Variants in FBLN2 observed in about 807,000 individuals in gnomAD.
The protein encoded by FBLN2 is fibulin-2.
Under a neutral mutation model 123.7 loss-of-function variants are expected in FBLN2, and 81 were observed. The observed-to-expected ratio is 0.65, with a 90% confidence interval of 0.55 to 0.79. The LOEUF (loss-of-function observed/expected upper bound fraction) is 0.79, where lower values mean the gene tolerates loss of function less well. Among genes scored for constraint, FBLN2 ranks in the 30% least tolerant of loss-of-function variants. The pLI, the probability that FBLN2 is intolerant of heterozygous loss-of-function variation, is 0.00. For synonymous variants in FBLN2, 699 were observed against 701.4 expected, an observed-to-expected ratio of 1.00 and a Z score of 0.05; for missense variants, 1,603 against 1,681.3, an observed-to-expected ratio of 0.95 and a Z score of 0.81.
At chr3:13,621,512 C>G (rs939315301) in intron 8 of FBLN2, among the ~76,000 whole-genome samples, 1 of 152,136 alleles carries the variant, frequency 6.6e-6, no homozygotes, top group African/African-American at 2.4e-5. Flanking sequence ...CGGGAGGCAG[C>G]CTCTGGTCCT....
Position 13,631,308 on chromosome 3 carries a change from G to A in FBLN2, c.3086-21G>A, listed in dbSNP as rs113956320. ...CTGTGGGTGGACGAGGTTCACCAGG[G>A]GCTGAACCTCTCTCTGACAGACATC... On this transcript the variant is annotated intron_variant, in intron 15 of 17. Transcript: ENST00000404922. 5.1e-3 allele frequency: 8,102 copies of A among 1,597,386 alleles called. 28 individuals carry two copies. The highest frequency in any genetic ancestry group is 6.2e-3 in the Non-Finnish European group (7,314 of 1,172,726).
chr3:13,621,373 G>A (rs1241471410), intron 8 of FBLN2, among the ~76,000 whole-genome samples: 4 of 152,224 alleles, frequency 2.6e-5, no homozygotes, highest in Non-Finnish European at 5.9e-5. Flanking sequence ...GACACTCAGT[G>A]TCCTGGAGCC....
intron 16 of FBLN2, among the ~76,000 whole-genome samples, chr3:13,634,712 A>T (rs1706395351): frequency 6.6e-6 from 1 of 152,114 alleles, no homozygotes; most frequent in South Asian, 2.1e-4. Context: ...GGAGGGAGGG[A>T]AGTGAGGCCT....
In FBLN2 at chr3:13,552,867, A is replaced by G. The variant is rs185676803; in HGVS notation, c.-42+3659A>G. Among the ~76,000 whole-genome samples the G allele has an allele frequency of 1.3e-3, 195 of 152,272 alleles. 1 individual carries two copies. Among genetic ancestry groups the G allele is most frequent in the African/African-American group, 4.1e-3 (170 of 41,560 alleles). ...TGGCAGTAGCCTCTGGTGTGGGCCA[A>G]TGCTGTGCCAGGGGCTGGTGTACAG... is the stretch of plus-strand genomic sequence containing the variant. On this transcript the variant is annotated intron_variant, in intron 1 of 17. Coordinates refer to ENST00000404922, the MANE Select transcript of FBLN2 (RefSeq NM_001004019.2).
intron 2 of FBLN2, among the ~76,000 whole-genome samples, chr3:13,590,343 C>G (rs933823349): frequency 6.7e-6 from 1 of 150,180 alleles, no homozygotes; most frequent in South Asian, 2.1e-4. Context: ...ATTTATTTAT[C>G]GAGACAGAGT....
intron 1 of FBLN2, among the ~76,000 whole-genome samples, chr3:13,562,247 C>G (rs990230981): frequency 1.3e-5 from 2 of 151,842 alleles, no homozygotes; most frequent in Non-Finnish European, 2.9e-5. Flanking sequence ...CAGTGCAGTT[C>G]TTCTTCCCTT....
chr3:13,623,805 A>G (rs2124900604), intron 9 of FBLN2, among the ~76,000 whole-genome samples: 1 of 152,308 alleles, frequency 6.6e-6, no homozygotes, highest in East Asian at 1.9e-4. Flanking sequence ...CACCTACCTC[A>G]AAGAGTCATT....
At chr3:13,555,479 G>T (rs1428715777) in intron 1 of FBLN2, among the ~76,000 whole-genome samples, 1 of 151,382 alleles carries the variant, frequency 6.6e-6, no homozygotes, top group African/African-American at 2.4e-5. Context: ...TTTTGAGATG[G>T]AGTCTCGCTA....
intron 2 of FBLN2, among the ~76,000 whole-genome samples, chr3:13,590,418 C>T (rs1208375238): frequency 2.0e-5 from 3 of 152,176 alleles, no homozygotes; most frequent in East Asian, 1.9e-4. Flanking sequence ...CTCCGCTTCC[C>T]AGGTTCAAGT....
At chr3:13,583,198 T>G (rs2124843887) in intron 2 of FBLN2, among the ~76,000 whole-genome samples, 1 of 152,376 alleles carries the variant, frequency 6.6e-6, no homozygotes, top group East Asian at 1.9e-4. Flanking sequence ...GGGCCCTCTT[T>G]GCCACCCTCA....
intron 1 of FBLN2, among the ~76,000 whole-genome samples, chr3:13,558,489 A>T (rs1703518925): frequency 6.6e-6 from 1 of 152,008 alleles, no homozygotes. Context: ...TGTTTAGGTC[A>T]CTTAGCCAGT....
In FBLN2 at chr3:13,582,172, A is replaced by G. The variant is rs999351564; in HGVS notation, c.1306+10511A>G. Among the ~76,000 whole-genome samples the G allele has an allele frequency of 3.9e-5, 6 of 152,154 alleles. 1 individual carries two copies. Among genetic ancestry groups the G allele is most frequent in the East Asian group, 3.9e-4 (2 of 5,188 alleles). ...CTGGCGTCCCGGATGCTGTGGTTCC[A>G]AGTCCTGAGGCCCTGCTGAGAGGGT... On this transcript the variant is annotated intron_variant, in intron 2 of 17. Transcript: ENST00000404922.
chr3:13,620,343 G>C (rs555268746), intron 8 of FBLN2, among the ~76,000 whole-genome samples: 1 of 152,316 alleles, frequency 6.6e-6, no homozygotes, highest in South Asian at 2.1e-4. Flanking sequence ...TGGGTGGAGA[G>C]GGGGAAGGGG....
At chr3:13,569,332 TG>T (rs1015277645) in intron 1 of FBLN2, among the ~76,000 whole-genome samples, 1 of 149,032 alleles carries the variant, frequency 6.7e-6, no homozygotes, top group Non-Finnish European at 1.5e-5. Context: ...CATGGGAAAC[TG>T]GGGCGGGCTG....
chr3:13,558,042 C>T (rs1038692752), intron 1 of FBLN2, among the ~76,000 whole-genome samples: 1 of 152,208 alleles, frequency 6.6e-6, no homozygotes, highest in East Asian at 1.9e-4. Context: ...GGCCGCCTCA[C>T]TGGCAGCCCT....
chr3:13,620,158 C>T (rs1433686820), intron 8 of FBLN2, among the ~76,000 whole-genome samples: 4 of 152,106 alleles, frequency 2.6e-5, no homozygotes, highest in African/African-American at 4.8e-5. Flanking sequence ...CTGGGTCAAA[C>T]AGGCAGTCCT....
intron 2 of FBLN2, among the ~76,000 whole-genome samples, chr3:13,603,199 C>T (rs1445627979): frequency 6.6e-6 from 1 of 151,330 alleles, no homozygotes; most frequent in Non-Finnish European, 1.5e-5. Flanking sequence ...GTGTGAGCCA[C>T]TACGCCTGGC....
intron 5 of FBLN2, among the ~76,000 whole-genome samples, chr3:13,614,673 C>T (rs202119609): frequency 2.5e-4 from 14 of 55,592 alleles, no homozygotes; most frequent in Middle Eastern, 0.015. Context: ...CATCCATCCA[C>T]CTACCCACCC....
At chr3:13,618,802 G>A in intron 6 of FBLN2, 102 bp from the exon 7 acceptor site, 1 of 757,646 alleles carries the variant, frequency 1.3e-6, no homozygotes, top group South Asian at 1.7e-5. Context: ...GGGATTAAAT[G>A]TCAGTGCCCT....
Sources: allele counts gnomAD v4.1 joint callset (sites outside exome capture counted in the v4.1 genomes callset), GRCh38; gene constraint gnomAD v4.1.1; transcripts MANE v1.5; gene names NCBI Gene and HGNC (gene_info 2026-07-23, HGNC 2026-07-21).